SRGAP2C: variants seen among roughly 807,000 people sequenced by gnomAD.
SRGAP2C encodes SLIT-ROBO Rho GTPase-activating protein 2C.
A neutral mutation model predicts 25.1 loss-of-function variants in SRGAP2C; 15 were observed. That is an observed-to-expected ratio of 0.60 (90% confidence interval 0.40 to 0.92). SRGAP2C has a LOEUF of 0.92. Among genes scored for constraint, SRGAP2C ranks in the 40% least tolerant of loss-of-function variants. The pLI is 0.00. For synonymous variants in SRGAP2C, 44 were observed against 96.6 expected (o/e 0.46, Z 3.19); for missense variants, 144 against 264.4 (o/e 0.54, Z 3.16).
intron 3 of SRGAP2C, among the ~76,000 whole-genome samples, chr1:121,295,973 T>C (rs1215549061): frequency 1.3e-5 from 2 of 151,816 alleles, no homozygotes; most frequent in African/African-American, 4.8e-5. Flanking sequence ...GTTGGTCAGG[T>C]TGGTCTTGAA....
At chr1:121,355,647 A>C (rs1206284020) in intron 4 of SRGAP2C, among the ~76,000 whole-genome samples, 3 of 131,280 alleles carry the variant, frequency 2.3e-5, no homozygotes, top group Non-Finnish European at 4.8e-5. Flanking sequence ...GAACATTTAC[A>C]AAGTTTAAAC....
At chr1:121,279,927 T>A (rs1181689055) in intron 2 of SRGAP2C, among the ~76,000 whole-genome samples, 2 of 149,734 alleles carry the variant, frequency 1.3e-5, no homozygotes, top group African/African-American at 4.9e-5. Flanking sequence ...TTCCTCCTTT[T>A]GGCTCCTGTT....
intron 2 of SRGAP2C, among the ~76,000 whole-genome samples, chr1:121,206,193 C>T (rs1553322472): frequency 6.6e-6 from 1 of 151,880 alleles, no homozygotes; most frequent in Non-Finnish European, 1.5e-5. Context: ...CACCCTCACC[C>T]CCACCCCCAT....
chr1:121,354,507 C>T (rs1659016618), intron 4 of SRGAP2C, among the ~76,000 whole-genome samples: 1 of 144,442 alleles, frequency 6.9e-6, no homozygotes, highest in Non-Finnish European at 1.5e-5. Context: ...AAGCAGTTCT[C>T]CCGCCTCAGC....
At chr1:121,213,285 A>G (rs2101427633) in intron 2 of SRGAP2C, among the ~76,000 whole-genome samples, 1 of 149,652 alleles carries the variant, frequency 6.7e-6, no homozygotes, top group East Asian at 2.0e-4. Flanking sequence ...GCCTCGAGCA[A>G]TCCACCTGCC....
At chr1:121,200,729 T>TA (rs1323597709) in intron 2 of SRGAP2C, among the ~76,000 whole-genome samples, 16 of 150,434 alleles carry the variant, frequency 1.1e-4, no homozygotes, top group Non-Finnish European at 1.9e-4. Flanking sequence ...TTACAGCATT[T>TA]AAAAAATATC....
At chr1:121,225,911 G>A (rs1553326471) in intron 2 of SRGAP2C, among the ~76,000 whole-genome samples, 1 of 141,258 alleles carries the variant, frequency 7.1e-6, no homozygotes, top group Non-Finnish European at 1.5e-5. Context: ...CACCAGGTTG[G>A]CCAGGCTGGT....
chr1:121,189,897 C>A (rs1370607257), intron 2 of SRGAP2C, among the ~76,000 whole-genome samples: 1 of 136,296 alleles, frequency 7.3e-6, no homozygotes, highest in Non-Finnish European at 1.6e-5. Context: ...ACCTTCCATT[C>A]ACCATATAAG....
At chr1:121,327,995 C>G (rs1173807114) in intron 4 of SRGAP2C, among the ~76,000 whole-genome samples, 1 of 152,190 alleles carries the variant, frequency 6.6e-6, no homozygotes, top group African/African-American at 2.4e-5. Flanking sequence ...TAAGGGGATC[C>G]TACACTGGGG....
At chr1:121,188,220 C>A (rs1206894213) in intron 2 of SRGAP2C, among the ~76,000 whole-genome samples, 1 of 152,274 alleles carries the variant, frequency 6.6e-6, no homozygotes, top group South Asian at 2.1e-4. Flanking sequence ...ATTGTTTAAC[C>A]CTTCTGTGCT....
intron 5 of SRGAP2C, among the ~76,000 whole-genome samples, chr1:121,366,230 A>G (rs1480235904): frequency 6.8e-6 from 1 of 147,890 alleles, no homozygotes; most frequent in Non-Finnish European, 1.5e-5. Flanking sequence ...TGAAGGTGAT[A>G]CTGATTTCTG....
chr1:121,347,625 C>T (rs1252488638), intron 4 of SRGAP2C, among the ~76,000 whole-genome samples: 2 of 152,300 alleles, frequency 1.3e-5, no homozygotes, highest in Non-Finnish European at 2.9e-5. Flanking sequence ...GCTGCAAAGC[C>T]CTAATGCCAG....
intron 4 of SRGAP2C, among the ~76,000 whole-genome samples, chr1:121,362,400 A>G (rs587637964): frequency 1.0e-3 from 155 of 152,060 alleles, no homozygotes; most frequent in African/African-American, 3.6e-3. Context: ...GTTCAAATAA[A>G]CAGGGATAAT....
Position 121,366,954 on chromosome 1 carries a change from G to T in SRGAP2C, c.486+1599G>T, listed in dbSNP as rs1311707546. Among the ~76,000 whole-genome samples, 4 of 95,994 alleles carry T rather than the reference G, an allele frequency of 4.2e-5. 1 individual carries two copies. Among genetic ancestry groups the T allele is most frequent in the African/African-American group, 1.4e-4 (4 of 27,780 alleles). The allele number at this position is 95,994 out of a possible 152,430, so 63.0% of individuals were successfully genotyped here. On this transcript the variant is annotated intron_variant, in intron 5 of 9. Coordinates refer to ENST00000367123, the MANE Select transcript of SRGAP2C (RefSeq NM_001329984.2). ...TGCTGTGCTTTAAAAAAAAAAATAAGTGAAAGGGCGTAAGCTGTGTTTGAG... is the reference window on the plus strand; with the variant it reads ...TGCTGTGCTTTAAAAAAAAAAATAATTGAAAGGGCGTAAGCTGTGTTTGAG...
chr1:121,231,545 T>G (rs1448828813), intron 2 of SRGAP2C, among the ~76,000 whole-genome samples: 1 of 148,166 alleles, frequency 6.7e-6, no homozygotes, highest in Non-Finnish European at 1.5e-5. Context: ...TTTCTTAGTA[T>G]AATCCCAGAA....
At chr1:121,279,609 C>A (rs1481836008) in intron 2 of SRGAP2C, among the ~76,000 whole-genome samples, 1 of 150,614 alleles carries the variant, frequency 6.6e-6, no homozygotes, top group South Asian at 2.1e-4. Context: ...AGGAAATAAG[C>A]CTCTTTCTAA....
At chr1:121,275,603 C>G (rs1438841923) in intron 2 of SRGAP2C, among the ~76,000 whole-genome samples, 10 of 147,598 alleles carry the variant, frequency 6.8e-5, no homozygotes, top group Non-Finnish European at 4.5e-5. Context: ...TTTTGAGTCA[C>G]TTGAAAGAAC....
chr1:121,225,989 G>A (rs1191424689), intron 2 of SRGAP2C, among the ~76,000 whole-genome samples: 3 of 151,192 alleles, frequency 2.0e-5, no homozygotes, highest in Non-Finnish European at 4.4e-5. Flanking sequence ...ACAGGTGTGA[G>A]CCACCACGCC....
At chr1:121,267,525 A>G (rs1656826997) in intron 2 of SRGAP2C, among the ~76,000 whole-genome samples, 1 of 141,152 alleles carries the variant, frequency 7.1e-6, no homozygotes, top group South Asian at 2.4e-4. Flanking sequence ...ATGCCAACAG[A>G]TCCTGGATTC....
Sources: allele counts gnomAD v4.1 joint callset (sites outside exome capture counted in the v4.1 genomes callset), GRCh38; gene constraint gnomAD v4.1.1; transcripts MANE v1.5; gene names NCBI Gene and HGNC (gene_info 2026-07-23, HGNC 2026-07-21).